The following A2ML1 variants were observed in gnomAD, a reference collection of about 807,000 sequenced individuals.
A2ML1 encodes alpha-2-macroglobulin like 1.
A2ML1 carries 161 observed loss-of-function variants against 181.9 expected under a neutral mutation model. The ratio of observed to expected loss-of-function variants is 0.89; its 90% confidence interval spans 0.78 to 1.01. A2ML1 has a LOEUF of 1.01. A2ML1 is among the 50% of genes least tolerant of loss of function. A2ML1 has a pLI of 0.00. For synonymous variants in A2ML1, 663 were observed against 666.8 expected, an observed-to-expected ratio of 0.99 and a Z score of 0.09; for missense variants, 1,670 against 1,768.1, an observed-to-expected ratio of 0.94 and a Z score of 1.00.
intron 33 of A2ML1, among the ~76,000 whole-genome samples, chr12:8,870,341 C>T (rs1174336099): frequency 1.3e-5 from 2 of 152,140 alleles, no homozygotes; most frequent in South Asian, 2.1e-4. Flanking sequence ...AATCTCAGCT[C>T]ACTGTAAGCT....
chr12:8,849,963 G>A (rs1229062272), intron 17 of A2ML1, among the ~76,000 whole-genome samples, 197 bp from the exon 18 acceptor site: 6 of 152,004 alleles, frequency 3.9e-5, no homozygotes, highest in African/African-American at 4.8e-5. Context: ...TCCATTCCCC[G>A]GCCAAACCTC....
Position 8,846,163 on chromosome 12 carries a change from A to G in A2ML1, c.1624A>G (p.Ser542Gly). ...PSLVIYAIFPSGGVVADKIQF... is the reference protein window; with the variant it reads ...PSLVIYAIFPGGGVVADKIQF... Reference sequence around the variant, plus strand: ...CCTGGTGATCTATGCCATTTTTCCCAGTGGAGGTGTTGTAGCTGACAAAAT... The same window carrying G: ...CCTGGTGATCTATGCCATTTTTCCCGGTGGAGGTGTTGTAGCTGACAAAAT... Residue 542 changes from serine (S) to glycine (G), a missense_variant, in exon 14 of 36, where the codon AGT (serine) becomes GGT (glycine). Coordinates refer to ENST00000299698, the MANE Select transcript of A2ML1 (RefSeq NM_144670.6). 2 of 1,614,064 alleles carry G rather than the reference A, an allele frequency of 1.2e-6. No homozygotes were observed. Among genetic ancestry groups the G allele is most frequent in the African/African-American group, 1.3e-5 (1 of 75,014 alleles).
At position 8,835,333 on chromosome 12, in the gene A2ML1, G is replaced by A. The variant is rs562486662; in HGVS notation, c.484-174G>A. 3.0e-4 allele frequency among the ~76,000 whole-genome samples: 45 copies of A among 152,252 alleles called. 1 individual carries two copies. Among genetic ancestry groups the A allele is most frequent in the Middle Eastern group, 3.4e-3 (1 of 294 alleles). ...TCTATAGAAATATTTACCTCATTCC[G>A]CCATAAAGAAAGTTATAAATAACAC... On this transcript the variant is annotated intron_variant, in intron 5 of 35. Transcript: ENST00000299698.
intron 9 of A2ML1, among the ~76,000 whole-genome samples, chr12:8,838,756 C>T (rs1943369698): frequency 6.6e-6 from 1 of 151,030 alleles, no homozygotes; most frequent in African/African-American, 2.4e-5. Context: ...ACTAAAAATA[C>T]AAAAAATTAG....
intron 7 of A2ML1, among the ~76,000 whole-genome samples, chr12:8,884,719 A>C (rs1387060795): frequency 2.0e-5 from 3 of 152,028 alleles, no homozygotes; most frequent in Admixed American, 2.0e-4. Context: ...TGCCTGGCTA[A>C]TTTTTGTATT....
intron 14 of A2ML1, 30 bp downstream of exon 14, chr12:8,846,252 A>G: frequency 6.2e-7 from 1 of 1,612,500 alleles, no homozygotes; most frequent in Non-Finnish European, 8.5e-7. Flanking sequence ...GGGTGAAGAT[A>G]AAAGTTGGGC....
At chr12:8,859,599 G>A (rs1478564781) in intron 26 of A2ML1, among the ~76,000 whole-genome samples, 1 of 151,878 alleles carries the variant, frequency 6.6e-6, no homozygotes, top group Admixed American at 6.6e-5. Context: ...TGAGACAAGA[G>A]TCTTACTCTG....
At chr12:8,857,447 C>T (rs750907656) in intron 24 of A2ML1, 60 bp from the exon 25 acceptor site, 15 of 1,603,740 alleles carry the variant, frequency 9.4e-6, no homozygotes, top group East Asian at 6.7e-5. Flanking sequence ...TATCCTTGAA[C>T]GGCATGGGGG....
chr12:8,884,632 G>T (rs1266046610), intron 7 of A2ML1, among the ~76,000 whole-genome samples: 2 of 152,194 alleles, frequency 1.3e-5, no homozygotes, highest in South Asian at 4.1e-4. Context: ...CACTTCTTGG[G>T]TTCAAGTGAT....
Position 8,845,467 on chromosome 12 carries a change from T to C in A2ML1, c.1502T>C (p.Met501Thr), listed in dbSNP as rs954520315. ...YYLIGKGSLV[M>T]EGQKHLNSKK... The stretch of plus-strand genomic sequence containing the variant: ...TTAATAGGGAAAGGAAGTTTGGTGA[T>C]GGAGGGGCAGAAACACCTGAACTCT... Residue 501 changes from methionine to threonine, a missense_variant, in exon 13 of 36, where the codon ATG becomes ACG. Physicochemically the swap from Met to Thr is moderately conservative, Grantham distance 81. Transcript: ENST00000299698. 6.2e-7 allele frequency: 1 copy of C among 1,614,146 alleles called. No individual in the cohort carries two copies. The highest frequency in any genetic ancestry group is 8.5e-7 in the Non-Finnish European group (1 of 1,180,024).
At position 8,855,489 on chromosome 12, in the gene A2ML1, T is replaced by C. The variant is rs759135527; in HGVS notation, c.2765-20T>C. On this transcript the variant is annotated intron_variant, in intron 22 of 35. Transcript: ENST00000299698. ...ATTCCCCATCTTCTATTGTGTCACC[T>C]TTTTTTCTGCATCTCACAGGAAAGG... 11 of 1,608,100 alleles carry C rather than the reference T, an allele frequency of 6.8e-6. No individual in the cohort carries two copies. The highest frequency in any genetic ancestry group is 1.1e-5 in the South Asian group (1 of 90,688).
At chr12:8,880,047 A>C (rs1592168725), downstream of A2ML1, among the ~76,000 whole-genome samples, 1 of 152,200 alleles carries the variant, frequency 6.6e-6, no homozygotes, top group African/African-American at 2.4e-5. Context: ...GTGTGACCAA[A>C]AAAATGATAG....
chr12:8,850,287 T>C lies in A2ML1; in HGVS notation c.2234+13T>C, dbSNP rs1943845704. 1 of 1,595,288 alleles carries C rather than the reference T, an allele frequency of 6.3e-7. No individual in the cohort carries two copies. ...TGTTTCCTATTGGGTAAGTGATGAC[T>C]CAAAAGTACAGTAAAGGGCCAGGTG... is the stretch of plus-strand genomic sequence containing the variant. On this transcript the variant is annotated intron_variant, in intron 18 of 35. Transcript: ENST00000299698.
chr12:8,844,404 G>A (rs114886557), intron 12 of A2ML1, among the ~76,000 whole-genome samples: 1,841 of 152,120 alleles, frequency 0.012, 32 homozygotes, highest in African/African-American at 0.042. Flanking sequence ...GCCCAGCCAG[G>A]ATACATTTCA....
chr12:8,874,373 G>C lies in A2ML1; in HGVS notation c.4222-52G>C. On this transcript the variant is annotated intron_variant, in intron 33 of 35. Coordinates refer to ENST00000299698, the MANE Select transcript of A2ML1 (RefSeq NM_144670.6). ...GGTCTTTTATTCCACATTGCATACA[G>C]TGTAATTTTCATTTTACTTCTAAGG... 2.2e-6 allele frequency: 3 copies of C among 1,382,666 alleles called. No individual in the cohort carries two copies. In the South Asian group the frequency reaches 3.5e-5, roughly 16 times the overall value. 85.6% of individuals were successfully genotyped at this position (1,382,666 alleles called of 1,614,324 possible).
Position 8,858,078 on chromosome 12 carries a change from A to G in A2ML1, c.3240A>G (p.Gly1080=). 6.2e-7 allele frequency: 1 copy of G among 1,614,144 alleles called. No homozygotes were observed. The highest frequency in any genetic ancestry group is 8.5e-7 in the Non-Finnish European group (1 of 1,180,022). The change falls in exon 26 of 36, where the codon GGA becomes GGG. Residue 1080 remains glycine, a synonymous_variant. Transcript: ENST00000299698. ...CCAGTGGCTGCTATGCCAACGTGGG[A>G]AATCTCCTTCACACAGCTATGAAGG... The part of the protein sequence containing the change: ...QLPSGCYANV[G]NLLHTAMKGG...
chr12:8,881,338 A>G (rs1217748490), downstream of A2ML1, among the ~76,000 whole-genome samples: 3 of 152,242 alleles, frequency 2.0e-5, no homozygotes, highest in Non-Finnish European at 4.4e-5. Context: ...TAACAAGACC[A>G]AGGAAGTGAG....
chr12:8,863,771 T>G, intron 28 of A2ML1, 23 bp from the exon 29 acceptor site: 4 of 1,612,194 alleles, frequency 2.5e-6, no homozygotes, highest in Non-Finnish European at 3.4e-6. Flanking sequence ...AAGGACATCC[T>G]AGTTATGTTT....
At position 8,864,266 on chromosome 12, in the gene A2ML1, A is replaced by G. The variant is rs61919500; in HGVS notation, c.3717+258A>G. Among the ~76,000 whole-genome samples the G allele has an allele frequency of 0.93, 101,196 of 108,762 alleles. 47,800 individuals carry two copies. Among genetic ancestry groups the G allele is most frequent in the South Asian group, 1 (2,620 of 2,622 alleles). The allele number at this position is 108,762 out of a possible 152,430, so 71.4% of individuals were successfully genotyped here. A position where few individuals can be genotyped will look rare whatever the true frequency, so the allele number is the denominator to read the frequency against. On this transcript the variant is annotated intron_variant, in intron 29 of 35. Transcript: ENST00000299698. The stretch of plus-strand genomic sequence containing the variant: ...GGTGGCTCATGCCTGTCATCGCAGC[A>G]CTTTGAGAGGCCGAGGCAGGCGGAT...
Sources: allele counts gnomAD v4.1 joint callset (sites outside exome capture counted in the v4.1 genomes callset), GRCh38; gene constraint gnomAD v4.1.1; transcripts MANE v1.5; gene names NCBI Gene and HGNC (gene_info 2026-07-23, HGNC 2026-07-21).